The following RGMA variants were observed in gnomAD, a reference collection of about 807,000 sequenced individuals.
RGMA encodes the protein repulsive guidance molecule A.
RGMA carries 10 observed loss-of-function variants against 23.2 expected under a neutral mutation model. The ratio of observed to expected loss-of-function variants is 0.43; its 90% CI spans 0.27 to 0.73. RGMA has a LOEUF of 0.73. Ranked by LOEUF, RGMA falls within the 30% of genes least tolerant of loss-of-function variation. The pLI is 0.20. For synonymous variants in RGMA, 308 were observed against 279.3 expected (o/e 1.10, Z -1.03); for missense variants, 547 against 630.5 (o/e 0.87, Z 1.42).
At chr15:93,088,391 G>A (rs1895676589) in intron 1 of RGMA, 1 of 985,620 alleles carries the variant, frequency 1.0e-6, no homozygotes, top group African/African-American at 1.7e-5. Flanking sequence ...TCAATCCAAG[G>A]TCCGCACCTT....
At chr15:93,088,301 G>A in intron 1 of RGMA, 1 of 985,354 alleles carries the variant, frequency 1.0e-6, no homozygotes, top group African/African-American at 1.7e-5. Context: ...GCTGCGGCGC[G>A]AGCCGGCGCT....
intron 1 of RGMA, among the ~76,000 whole-genome samples, chr15:93,082,197 T>C (rs975991383): frequency 6.6e-6 from 1 of 152,264 alleles, no homozygotes; most frequent in Non-Finnish European, 1.5e-5. Flanking sequence ...TGGACTACAA[T>C]AGTGCCTACT....
intron 3 of RGMA, among the ~76,000 whole-genome samples, chr15:93,048,802 G>A (rs971393866): frequency 6.6e-6 from 1 of 151,032 alleles, no homozygotes; most frequent in Non-Finnish European, 1.5e-5. Flanking sequence ...CCGGAGGTGG[G>A]CCAGCCAGGG....
Position 93,036,204 on chromosome 15 carries a change from A to C in RGMA, c.*8794T>G, listed in dbSNP as rs2054658995. On this transcript the variant is annotated 3_prime_UTR_variant, in exon 4 of 4. Coordinates refer to ENST00000329082, the MANE Select transcript of RGMA (RefSeq NM_020211.3). ...CTGCCGACATCAAGCATAGCCCCCCAGCTCATCACGGGGCCTCATGACGTA... is the reference window on the plus strand; with the variant it reads ...CTGCCGACATCAAGCATAGCCCCCCCGCTCATCACGGGGCCTCATGACGTA... 6.6e-6 allele frequency: 1 copy of C among 152,326 alleles called. No homozygotes were observed. The highest frequency in any genetic ancestry group is 1.5e-5 in the Non-Finnish European group (1 of 68,034). 9.4% of individuals were successfully genotyped at this position (152,326 alleles called of 1,614,324 possible).
intron 1 of RGMA, among the ~76,000 whole-genome samples, chr15:93,074,962 C>T (rs534965712): frequency 2.6e-5 from 4 of 152,174 alleles, no homozygotes; most frequent in Admixed American, 2.0e-4. Flanking sequence ...AATTAACCAC[C>T]GTCACTGCTG....
rs2054685895 is a variant in RGMA, at chr15:93,038,569, G to GTTTTTTTTTTTTATTTTTTTTTTTT, written c.*6428_*6429insAAAAAAAAAAAATAAAAAAAAAAAA. On this transcript the variant is annotated 3_prime_UTR_variant, in exon 4 of 4. Transcript: ENST00000329082. ...GCCTTAATGAACGAAACTGTTAGTTGTTTTTTTTTTTTTTTTGAGACGGTG... is the reference window on the plus strand; with the variant it reads ...GCCTTAATGAACGAAACTGTTAGTTGTTTTTTTTTTTTATTTTTTTTTTTTTTTTTTTTTTTTTTTTGAGACGGTG... 1.0e-5 allele frequency: 1 copy of GTTTTTTTTTTTTATTTTTTTTTTTT among 100,224 alleles called. No homozygotes were observed. The highest frequency in any genetic ancestry group is 2.3e-5 in the Non-Finnish European group (1 of 42,826). 6.2% of individuals were successfully genotyped at this position (100,224 alleles called of 1,614,324 possible). A position where few individuals can be genotyped will look rare whatever the true frequency, so the allele number is the denominator to read the frequency against.
chr15:93,045,183 A>C lies in RGMA; in HGVS notation c.1168T>G (p.Phe390Val). The C allele has an allele frequency of 6.2e-7, 1 of 1,609,560 alleles. No individual in the cohort carries two copies. The highest frequency in any genetic ancestry group is 8.5e-7 in the Non-Finnish European group (1 of 1,178,026). The change falls in exon 4 of 4, where the codon TTC (phenylalanine) becomes GTC (valine). Residue 390 changes from phenylalanine (F) to valine (V), a missense_variant. Phe to Val is a conservative substitution (Grantham distance 50). Coordinates refer to ENST00000329082, the MANE Select transcript of RGMA (RefSeq NM_020211.3). The surrounding 1 kb of genome is among the most constrained non-coding windows in gnomAD (Gnocchi z 6.9). ...AACGCGTAGTAGGCGGCCAGTGTGA[A>C]GTTCACGTCGCCCGTGGTGAGGAGG... is the stretch of plus-strand genomic sequence containing the variant. Reference protein sequence around the residue: ...FDLLTTGDVNFTLAAYYALED... With the variant: ...FDLLTTGDVNVTLAAYYALED...
intron 1 of RGMA, among the ~76,000 whole-genome samples, chr15:93,084,923 G>C (rs1895614038): frequency 6.6e-6 from 1 of 152,284 alleles, no homozygotes; most frequent in East Asian, 1.9e-4. Context: ...GGGATGTGTA[G>C]GGGCCTTCAG....
chr15:93,072,887 C>T, intron 2 of RGMA, 29 bp downstream of exon 2: 3 of 1,579,504 alleles, frequency 1.9e-6, no homozygotes, highest in Non-Finnish European at 2.6e-6. Flanking sequence ...AGGGACCCGG[C>T]CCCGCGCGCC....
At chr15:93,064,180 T>C (rs1187234178) in intron 2 of RGMA, among the ~76,000 whole-genome samples, 1 of 152,094 alleles carries the variant, frequency 6.6e-6, no homozygotes, top group Non-Finnish European at 1.5e-5. Flanking sequence ...GGGGGGCTGA[T>C]AGCTTCTCTA....
chr15:93,061,210 A>G (rs2141825155), intron 2 of RGMA, among the ~76,000 whole-genome samples: 1 of 152,360 alleles, frequency 6.6e-6, no homozygotes, highest in East Asian at 1.9e-4. Context: ...GCTGGTATGC[A>G]GTGGCGCGAC....
chr15:93,044,933 G>A lies in RGMA; in HGVS notation c.*65C>T, dbSNP rs970518345. ...GCCAGGAGATCTGCACCCCGTGGGC[G>A]GTCCCAGCCCACACATGGGGAAGCC... On this transcript the variant is annotated 3_prime_UTR_variant, in exon 4 of 4. Transcript: ENST00000329082. 2.2e-5 allele frequency: 29 copies of A among 1,342,404 alleles called. No homozygotes were observed. Among genetic ancestry groups the A allele is most frequent in the South Asian group, 7.0e-5 (5 of 71,264 alleles). 83.2% of individuals were successfully genotyped at this position (1,342,404 alleles called of 1,614,324 possible). A position where few individuals can be genotyped will look rare whatever the true frequency, so the allele number is the denominator to read the frequency against.
chr15:93,038,273 A>C lies in RGMA; in HGVS notation c.*6725T>G, dbSNP rs1393324151. ...GGGTTTGGGGGGCAGGGGTCTTCCCATTGCAGCAAGCTTCTTTCCATTGTT... is the reference window on the plus strand; with the variant it reads ...GGGTTTGGGGGGCAGGGGTCTTCCCCTTGCAGCAAGCTTCTTTCCATTGTT... On this transcript the variant is annotated 3_prime_UTR_variant, in exon 4 of 4. Coordinates refer to ENST00000329082, the MANE Select transcript of RGMA (RefSeq NM_020211.3). The C allele has an allele frequency of 1.3e-5, 2 of 152,170 alleles. No individual in the cohort carries two copies. The highest frequency in any genetic ancestry group is 3.9e-4 in the East Asian group (2 of 5,178). 9.4% of individuals were successfully genotyped at this position (152,170 alleles called of 1,614,324 possible). A position where few individuals can be genotyped will look rare whatever the true frequency, so the allele number is the denominator to read the frequency against.
chr15:93,072,639 G>A (rs1158917835), intron 2 of RGMA, among the ~76,000 whole-genome samples: 1 of 152,242 alleles, frequency 6.6e-6, no homozygotes, highest in East Asian at 1.9e-4. Flanking sequence ...CCCCTTTCTC[G>A]GAAAAAGGGA....
At chr15:93,049,687 C>T (rs115896191) in intron 3 of RGMA, among the ~76,000 whole-genome samples, 423 of 152,338 alleles carry the variant, frequency 2.8e-3, no homozygotes, top group African/African-American at 9.2e-3. Flanking sequence ...AGCTTGCACA[C>T]GGAGCTTCTG....
chr15:93,056,297 G>A lies in RGMA; in HGVS notation c.131-3790C>T, dbSNP rs187861472. Among the ~76,000 whole-genome samples, 532 of 152,352 alleles carry A rather than the reference G, an allele frequency of 3.5e-3. 6 individuals carry two copies. Among genetic ancestry groups the A allele is most frequent in the African/African-American group, 0.011 (467 of 41,588 alleles). ...GGGCTGGTGGCGAAGTTTCAGAGAA[G>A]GGGGCTGCAGGCAAAGGAGTGGCAA... On this transcript the variant is annotated intron_variant, in intron 2 of 3. Coordinates refer to ENST00000329082, the MANE Select transcript of RGMA (RefSeq NM_020211.3).
In RGMA at chr15:93,042,926, C is replaced by T. The variant is rs2054743227; in HGVS notation, c.*2072G>A. 1 of 152,246 alleles carries T rather than the reference C, an allele frequency of 6.6e-6. No individual in the cohort carries two copies. Among genetic ancestry groups the T allele is most frequent in the African/African-American group, 2.4e-5 (1 of 41,438 alleles). 9.4% of individuals were successfully genotyped at this position (152,246 alleles called of 1,614,324 possible). ...ATAGCAGTGGCTGAGAGGGAGTCATCCCAGATCTCAGGCTATCCCACCCAT... is the reference window on the plus strand; with the variant it reads ...ATAGCAGTGGCTGAGAGGGAGTCATTCCAGATCTCAGGCTATCCCACCCAT... On this transcript the variant is annotated 3_prime_UTR_variant, in exon 4 of 4. Coordinates refer to ENST00000329082, the MANE Select transcript of RGMA (RefSeq NM_020211.3).
chr15:93,048,068 G>A (rs2054855423), intron 3 of RGMA, among the ~76,000 whole-genome samples: 1 of 152,270 alleles, frequency 6.6e-6, no homozygotes, highest in Non-Finnish European at 1.5e-5. Flanking sequence ...ATGGCCTCAG[G>A]ACCAGGTGCT....
At position 93,065,507 on chromosome 15, in the gene RGMA, G is replaced by T. The variant is rs964764819; in HGVS notation, c.130+7409C>A. ...TGAATTATGGGAAACGGGGAACAGG[G>T]TACTGGGTAGGGTACAGGTCAGTTG... On this transcript the variant is annotated intron_variant, in intron 2 of 3. Coordinates refer to ENST00000329082, the MANE Select transcript of RGMA (RefSeq NM_020211.3). 30 of 577,006 alleles carry T rather than the reference G, an allele frequency of 5.2e-5. No homozygotes were observed. In the East Asian group the frequency reaches 1.1e-3, roughly 21 times the overall value. 35.7% of individuals were successfully genotyped at this position (577,006 alleles called of 1,614,324 possible).
Sources: gnomAD v4.1 joint callset for allele counts (sites outside exome capture counted in the v4.1 genomes callset) on GRCh38, gnomAD v4.1.1 for gene constraint, Gnocchi (gnomAD v3.1) non-coding constraint, MANE v1.5 for transcripts, NCBI Gene and HGNC (gene_info 2026-07-23, HGNC 2026-07-21) for gene names.